Variants in ADORA2B observed in about 807,000 individuals in gnomAD.
ADORA2B encodes adenosine A2b receptor, also known as adenosine receptor A2b.
Under a neutral mutation model 20.8 loss-of-function variants are expected in ADORA2B, and 18 were observed. That is an observed-to-expected ratio of 0.87 (90% CI 0.60 to 1.29). The LOEUF (loss-of-function observed/expected upper bound fraction) is 1.29. Ranked by LOEUF, ADORA2B falls within the 50% of genes most tolerant of loss-of-function variation. The pLI is 0.00. For synonymous variants in ADORA2B, 179 were observed against 178.3 expected, an observed-to-expected ratio of 1.00 and a Z score of -0.03; for missense variants, 441 against 422.7, an observed-to-expected ratio of 1.04 and a Z score of -0.38.
At chr17:15,939,116 C>T in the ADORA2B span, among the ~76,000 whole-genome samples, 1 of 152,188 alleles carries the variant, frequency 6.6e-6, no homozygotes, top group Admixed American at 6.5e-5. Context: ...TCTTGGTTCA[C>T]TGCAACCTCC....
chr17:15,868,761 CAGAGTG>C, the ADORA2B span, among the ~76,000 whole-genome samples: 21 of 146,146 alleles, frequency 1.4e-4, 1 homozygote, highest in Non-Finnish European at 2.3e-4. Context: ...GCCTGGGCGA[CAGAGTG>C]AGACTCCATC....
the ADORA2B span, among the ~76,000 whole-genome samples, chr17:15,853,832 C>G: frequency 6.6e-6 from 1 of 152,172 alleles, no homozygotes; most frequent in Non-Finnish European, 1.5e-5. Context: ...TCTTCGATAC[C>G]TAATTCTTGC....
At chr17:15,926,640 T>C in the ADORA2B span, among the ~76,000 whole-genome samples, 2 of 151,988 alleles carry the variant, frequency 1.3e-5, no homozygotes, top group Non-Finnish European at 2.9e-5. Flanking sequence ...TCATGAGAGA[T>C]GGGTAGGGCA....
Position 15,969,804 on chromosome 17 carries a change from A to G in ADORA2B, c.336-4875A>G, listed in dbSNP as rs551497193. ...CTCTGCTTTTCTTCTGGCTCCCCTA[A>G]AATTCAGTCTCCGTACTCTGGCCAG... On this transcript the variant is annotated intron_variant, in intron 1 of 1. Coordinates refer to ENST00000304222, the MANE Select transcript of ADORA2B (RefSeq NM_000676.4). Among the ~76,000 whole-genome samples the G allele has an allele frequency of 2.0e-4, 31 of 152,290 alleles. No homozygotes were observed. The South Asian group carries it at 6.4e-3, about 32-fold the overall frequency.
At chr17:15,915,520 G>A in the ADORA2B span, among the ~76,000 whole-genome samples, 1 of 152,088 alleles carries the variant, frequency 6.6e-6, no homozygotes, top group African/African-American at 2.4e-5. Flanking sequence ...GAATCTTTCT[G>A]TATTTTCTAG....
the ADORA2B span, among the ~76,000 whole-genome samples, chr17:15,923,974 G>A: frequency 1.2e-4 from 18 of 152,092 alleles, no homozygotes; most frequent in East Asian, 3.9e-4. Context: ...GCGCAATGGC[G>A]TGATCTTGGC....
chr17:15,936,033 A>ATTGTT, the ADORA2B span, among the ~76,000 whole-genome samples: 21 of 151,714 alleles, frequency 1.4e-4, no homozygotes, highest in Admixed American at 2.6e-4. Flanking sequence ...TGCTCAGCTA[A>ATTGTT]TTGTTTTGTT....
At chr17:15,956,009 G>A (rs918543080) in intron 1 of ADORA2B, among the ~76,000 whole-genome samples, 7 of 152,116 alleles carry the variant, frequency 4.6e-5, no homozygotes, top group South Asian at 2.1e-4. Flanking sequence ...CGTGAGCCAC[G>A]CCTCTGGGAT....
the ADORA2B span, among the ~76,000 whole-genome samples, chr17:15,858,192 C>T: frequency 6.6e-6 from 1 of 152,128 alleles, no homozygotes; most frequent in African/African-American, 2.4e-5. Flanking sequence ...TACTGTTTTC[C>T]GTAATGGCTA....
At chr17:15,895,577 A>G in the ADORA2B span, among the ~76,000 whole-genome samples, 1 of 152,140 alleles carries the variant, frequency 6.6e-6, no homozygotes, top group East Asian at 1.9e-4. Context: ...GATGATGGAA[A>G]TGTTCTGTAT....
At chr17:15,874,117 T>C in the ADORA2B span, among the ~76,000 whole-genome samples, 246 of 147,126 alleles carry the variant, frequency 1.7e-3, 2 homozygotes, top group African/African-American at 5.9e-3. Context: ...CATATATACA[T>C]ACACACACAC....
chr17:15,905,282 GT>G, the ADORA2B span, among the ~76,000 whole-genome samples: 1,232 of 127,150 alleles, frequency 9.7e-3, 13 homozygotes, highest in African/African-American at 0.031. Flanking sequence ...TTTTGTTGTT[GT>G]TGGGGGGGGG....
intron 1 of ADORA2B, among the ~76,000 whole-genome samples, chr17:15,954,491 T>A (rs1365923382): frequency 6.6e-6 from 1 of 152,210 alleles, no homozygotes. Flanking sequence ...TAGGGCTTCC[T>A]TTACTGTGCC....
the ADORA2B span, among the ~76,000 whole-genome samples, chr17:15,854,512 G>A: frequency 3.9e-5 from 6 of 152,264 alleles, no homozygotes; most frequent in East Asian, 1.2e-3. Context: ...TACATCATAC[G>A]TCATACTTAA....
chr17:15,945,625 G>A lies in ADORA2B; in HGVS notation c.335+42G>A, dbSNP rs998846773. 4 of 1,429,854 alleles carry A rather than the reference G, an allele frequency of 2.8e-6. No homozygotes were observed. In the Admixed American group the frequency reaches 8.0e-5, roughly 28 times the overall value. 88.6% of individuals were successfully genotyped at this position (1,429,854 alleles called of 1,614,324 possible). A position where few individuals can be genotyped will look rare whatever the true frequency, so the allele number is the denominator to read the frequency against. ...CGCCCGAACTCGGGGCCCCGTCGGA[G>A]CTCCGAAATGGGTCGTCTTCTCCAG... On this transcript the variant is annotated intron_variant, in intron 1 of 1. Transcript: ENST00000304222.
At chr17:15,863,401 A>G in the ADORA2B span, among the ~76,000 whole-genome samples, 1 of 152,122 alleles carries the variant, frequency 6.6e-6, no homozygotes, top group South Asian at 2.1e-4. Flanking sequence ...GATGGAGTGC[A>G]GTGGTATAAT....
chr17:15,878,238 T>C, the ADORA2B span, among the ~76,000 whole-genome samples: 1 of 150,078 alleles, frequency 6.7e-6, no homozygotes, highest in East Asian at 2.0e-4. Context: ...ACATACTCCT[T>C]TGTTCTGGAT....
chr17:15,949,861 T>C lies in ADORA2B; in HGVS notation c.335+4278T>C, dbSNP rs1415563286. 2.0e-5 allele frequency among the ~76,000 whole-genome samples: 3 copies of C among 151,724 alleles called. No homozygotes were observed. In the East Asian group the frequency reaches 5.8e-4, roughly 29 times the overall value. On this transcript the variant is annotated intron_variant, in intron 1 of 1. Transcript: ENST00000304222. ...TAGCGAAACTCTGTCTCAAAAAAAA[T>C]AAAAAATAAAAAAGCTTGGCAGGAA...
chr17:15,862,103 T>C, the ADORA2B span, among the ~76,000 whole-genome samples: 3 of 152,074 alleles, frequency 2.0e-5, no homozygotes, highest in African/African-American at 7.2e-5. Flanking sequence ...GTCTAAATAC[T>C]GTTCTCTTTA....
Sources: gnomAD v4.1 joint callset for allele counts (sites outside exome capture counted in the v4.1 genomes callset) on GRCh38, gnomAD v4.1.1 for gene constraint, MANE v1.5 for transcripts, NCBI Gene and HGNC (gene_info 2026-07-23, HGNC 2026-07-21) for gene names.